CPNE1: variants seen among roughly 807,000 people sequenced by gnomAD.
The protein encoded by CPNE1 is copine-1.
In CPNE1, 58 loss-of-function variants were observed where a neutral mutation model predicts 63.2. The observed-to-expected ratio is 0.92, with a 90% CI of 0.74 to 1.14. CPNE1 has a LOEUF of 1.14. Among genes scored for constraint, CPNE1 ranks in the 50% most tolerant of loss-of-function variants. CPNE1 has a pLI of 0.00. For missense variants in CPNE1, 672 were observed against 661.7 expected (o/e 1.02, Z -0.17); for synonymous variants, 237 against 249.0 (o/e 0.95, Z 0.45).
At chr20:35,655,433 G>T in intron 1 of CPNE1, 1 of 1,118,570 alleles carries the variant, frequency 8.9e-7, no homozygotes, top group Non-Finnish European at 1.2e-6. Context: ...ACCATATTAG[G>T]CCCTCAAATA....
rs148449950 is a variant in CPNE1 at position 35,626,608 on chromosome 20, G to C, written c.1432C>G (p.Arg478Gly). Residue 478 changes from arginine (R) to glycine (G), a missense_variant, in exon 15 of 16, where the codon CGC becomes GGC. Coordinates refer to ENST00000397443, the MANE Select transcript of CPNE1 (RefSeq NM_152925.3). ...TAGGGTACAAACTGCACAATGTCGC[G>C]GGCAGCAGCCTGCCCAGAACGTGTA... ...LHTRSGQAAA[R>G]DIVQFVPYRR... The C allele has an allele frequency of 6.2e-7, 1 of 1,614,008 alleles. No homozygotes were observed. Among genetic ancestry groups the C allele is most frequent in the African/African-American group, 1.3e-5 (1 of 74,896 alleles).
chr20:35,628,878 T>C (rs2031937713), intron 13 of CPNE1, among the ~76,000 whole-genome samples: 1 of 152,220 alleles, frequency 6.6e-6, no homozygotes, highest in South Asian at 2.1e-4. Flanking sequence ...TAGGAGATAC[T>C]GAAGTACTCA....
rs1343348323 is a variant in CPNE1, at chr20:35,626,782, G to C, written c.1258C>G (p.Leu420Val). The C allele has an allele frequency of 9.3e-6, 15 of 1,614,058 alleles. No individual in the cohort carries two copies. Among genetic ancestry groups the C allele is most frequent in the Non-Finnish European group, 1.3e-5 (15 of 1,179,954 alleles). Residue 420 changes from leucine (L) to valine (V), a missense_variant, in exon 15 of 16, where the codon CTG becomes GTG. Transcript: ENST00000397443. ...TASQYFMLLLLTDGAVTDVEA... is the reference protein window; with the variant it reads ...TASQYFMLLLVTDGAVTDVEA... ...ACATCCGTCACAGCACCATCAGTCA[G>C]CAGCAACAGCATGAAGTATTGCTGG...
At position 35,644,287 on chromosome 20, in the gene CPNE1, T is replaced by C. The variant is rs550840035; in HGVS notation, c.1-11364A>G. Reference sequence around the variant, plus strand: ...GGATCCAGGAGGAATGCCTCTGGTCTACCTGCTCCAGGATATAACTAGCAG... The same window carrying C: ...GGATCCAGGAGGAATGCCTCTGGTCCACCTGCTCCAGGATATAACTAGCAG... On this transcript the variant is annotated intron_variant, in intron 1 of 15. Transcript: ENST00000397443. Among the ~76,000 whole-genome samples the C allele has an allele frequency of 2.1e-4, 32 of 152,280 alleles. 2 individuals are homozygous for C. The South Asian group carries it at 5.4e-3, about 26-fold the overall frequency.
At chr20:35,664,430 G>C (rs1430948211) in intron 1 of CPNE1, 3 of 152,348 alleles carry the variant, frequency 2.0e-5, no homozygotes, top group Non-Finnish European at 4.4e-5. Context: ...TACTCGGGAT[G>C]TAGGCGTGTT....
rs1185127726 is a variant in CPNE1, at chr20:35,631,770, T to C, written c.545A>G (p.Lys182Arg). The C allele has an allele frequency of 1.2e-6, 2 of 1,613,884 alleles. No individual in the cohort carries two copies. The highest frequency in any genetic ancestry group is 8.5e-7 in the Non-Finnish European group (1 of 1,179,914). The stretch of plus-strand genomic sequence containing the variant: ...CTTCCATGTAGGGTTCAGGTTGTTC[T>C]TGATGACCTGAAGGTGGAGGCCAAG... ...WHLVYRSEVI[K>R]NNLNPTWKRF... Residue 182 changes from lysine to arginine, a missense_variant, in exon 7 of 16, where the codon AAG (lysine) becomes AGG (arginine). Coordinates refer to ENST00000397443, the MANE Select transcript of CPNE1 (RefSeq NM_152925.3).
rs747862458 is a variant in CPNE1, at chr20:35,630,866, G to A, written c.995+35C>T. ...AAGCTCAGAGGCTGAAGCATCTGCA[G>A]GGAGCGGGTATAGCCCAGAGAAGCA... is the stretch of plus-strand genomic sequence containing the variant. On this transcript the variant is annotated intron_variant, in intron 11 of 15. Transcript: ENST00000397443. The A allele has an allele frequency of 2.5e-5, 40 of 1,603,192 alleles. No individual in the cohort carries two copies. The African/African-American group carries it at 4.6e-4, about 18-fold the overall frequency.
In CPNE1 at chr20:35,632,331, C is replaced by T. The variant is rs1013934827; in HGVS notation, c.364G>A (p.Ala122Thr). 6.2e-7 allele frequency: 1 copy of T among 1,614,112 alleles called. No homozygotes were observed. The highest frequency in any genetic ancestry group is 2.2e-5 in the East Asian group (1 of 44,880). ...CTTACCGTGATGGTCCCCCGCCCAG[C>T]AGGTTTTCCAGGCTTCAGCATCAAG... ...LPLMLKPGKP[A>T]GRGTITVSAQ... The change falls in exon 4 of 16, where the codon GCT (alanine) becomes ACT (threonine). Residue 122 changes from alanine to threonine, a missense_variant. By Grantham distance (58) the Ala-to-Thr change is moderately conservative. Coordinates refer to ENST00000397443, the MANE Select transcript of CPNE1 (RefSeq NM_152925.3).
intron 14 of CPNE1, among the ~76,000 whole-genome samples, chr20:35,627,061 G>A (rs886363587): frequency 2.6e-4 from 39 of 151,774 alleles, no homozygotes; most frequent in Non-Finnish European, 3.4e-4. Flanking sequence ...GGTGGCACAC[G>A]CCTGTAATCC....
At chr20:35,648,898 A>G (rs2033311251) in intron 1 of CPNE1, 1 of 152,688 alleles carries the variant, frequency 6.5e-6, no homozygotes, top group Non-Finnish European at 1.5e-5. Flanking sequence ...TGACAAGATA[A>G]TATTATAGCT....
intron 1 of CPNE1, among the ~76,000 whole-genome samples, chr20:35,648,064 C>CAAAAA (rs35084370): frequency 2.4e-4 from 32 of 131,460 alleles, no homozygotes; most frequent in African/African-American, 3.8e-4. Flanking sequence ...GACTCCATCT[C>CAAAAA]AAAAAAAAAA....
chr20:35,632,107 T>C (rs957701136), intron 5 of CPNE1, 56 bp downstream of exon 5: 4 of 1,602,486 alleles, frequency 2.5e-6, no homozygotes, highest in Non-Finnish European at 3.4e-6. Flanking sequence ...CCATCCCCCA[T>C]ACACCATCCT....
At chr20:35,653,624 T>C (rs773557530) in intron 1 of CPNE1, 3 of 1,614,076 alleles carry the variant, frequency 1.9e-6, no homozygotes, top group African/African-American at 2.7e-5. Context: ...TCCACTGGGA[T>C]TCCTTCTAGG....
intron 1 of CPNE1, among the ~76,000 whole-genome samples, chr20:35,639,448 C>G (rs2032678778): frequency 6.6e-6 from 1 of 152,122 alleles, no homozygotes; most frequent in Non-Finnish European, 1.5e-5. Flanking sequence ...GCGATTCTCC[C>G]ACTACAGCCT....
chr20:35,631,921 C>T (rs1399305222), intron 6 of CPNE1, 24 bp downstream of exon 6: 12 of 1,606,544 alleles, frequency 7.5e-6, no homozygotes, highest in Middle Eastern at 3.3e-4. Context: ...TACCCCAGCC[C>T]ACCCAATCCC....
chr20:35,652,688 A>G (rs2033603866), intron 1 of CPNE1: 1 of 1,614,008 alleles, frequency 6.2e-7, no homozygotes, highest in Non-Finnish European at 8.5e-7. Flanking sequence ...ATTACTTGAT[A>G]GCCATAAAAG....
At chr20:35,636,749 G>A (rs1393937359) in intron 1 of CPNE1, among the ~76,000 whole-genome samples, 2 of 152,032 alleles carry the variant, frequency 1.3e-5, no homozygotes, top group Non-Finnish European at 2.9e-5. Flanking sequence ...CGAGATCATG[G>A]CACTGTACAC....
Position 35,639,091 on chromosome 20 carries a change from CA to C in CPNE1, c.1-6169del, listed in dbSNP as rs907971518. ...GTACACATCTGATTGTAAAATTTTACAAAAAAAAAAAACAAAACCCAACAAC... is the reference window on the plus strand; with the variant it reads ...GTACACATCTGATTGTAAAATTTTACAAAAAAAAAAACAAAACCCAACAAC... On this transcript the variant is annotated intron_variant, in intron 1 of 15. Transcript: ENST00000397443. Among the ~76,000 whole-genome samples the C allele has an allele frequency of 1.5e-3, 130 of 88,682 alleles. 1 individual carries two copies. Among genetic ancestry groups the C allele is most frequent in the African/African-American group, 4.6e-3 (103 of 22,586 alleles). The allele number at this position is 88,682 out of a possible 152,430, so 58.2% of individuals were successfully genotyped here. A position where few individuals can be genotyped will look rare whatever the true frequency, so the allele number is the denominator to read the frequency against.
intron 1 of CPNE1, among the ~76,000 whole-genome samples, chr20:35,633,358 T>A (rs2032288376): frequency 6.6e-6 from 1 of 152,230 alleles, no homozygotes; most frequent in Admixed American, 6.5e-5. Flanking sequence ...AATATAACTA[T>A]GATCCAGATA....
Sources: allele counts gnomAD v4.1 joint callset (sites outside exome capture counted in the v4.1 genomes callset), GRCh38; gene constraint gnomAD v4.1.1; transcripts MANE v1.5; gene names NCBI Gene and HGNC (gene_info 2026-07-23, HGNC 2026-07-21).